MYO1E: variants seen among roughly 807,000 people sequenced by gnomAD.
MYO1E encodes unconventional myosin-Ie.
MYO1E carries 68 observed loss-of-function variants against 151.1 expected under a neutral mutation model. That is an observed-to-expected ratio of 0.45 (90% CI 0.37 to 0.55). The LOEUF (loss-of-function observed/expected upper bound fraction) is 0.55, where lower values mean the gene tolerates loss of function less well. Ranked by LOEUF, MYO1E falls within the 20% of genes least tolerant of loss-of-function variation. The pLI is 0.00. For missense variants in MYO1E, 1,363 were observed against 1,389.3 expected, an observed-to-expected ratio of 0.98 and a Z score of 0.30; for synonymous variants, 601 against 501.7, an observed-to-expected ratio of 1.20 and a Z score of -2.64.
chr15:59,323,168 CAAAAA>C (rs10569332), intron 1 of MYO1E, among the ~76,000 whole-genome samples: 18 of 63,692 alleles, frequency 2.8e-4, no homozygotes, highest in African/African-American at 9.5e-4. Context: ...GACCCCATCA[CAAAAA>C]AAAAAAAAAA....
At chr15:59,145,138 C>G (rs1191877863) in intron 26 of MYO1E, among the ~76,000 whole-genome samples, 1 of 152,090 alleles carries the variant, frequency 6.6e-6, no homozygotes, top group Non-Finnish European at 1.5e-5. Flanking sequence ...CCACCGCATC[C>G]GGCCAGGAAT....
intron 1 of MYO1E, among the ~76,000 whole-genome samples, chr15:59,327,477 TTTATTA>T (rs1191967996): frequency 1.3e-5 from 2 of 151,826 alleles, no homozygotes; most frequent in Admixed American, 6.6e-5. Context: ...TCTGGCTATT[TTTATTA>T]TTATTATTAT....
intron 1 of MYO1E, among the ~76,000 whole-genome samples, chr15:59,275,111 T>C (rs1247041212): frequency 1.3e-5 from 2 of 152,204 alleles, no homozygotes; most frequent in Non-Finnish European, 1.5e-5. Flanking sequence ...AGCCAAGATG[T>C]GAACCGAAGA....
chr15:59,311,977 G>C (rs1293432469), intron 1 of MYO1E, among the ~76,000 whole-genome samples: 1 of 152,090 alleles, frequency 6.6e-6, no homozygotes. Context: ...GAACTTCCCA[G>C]CCTCCAGGAC....
At chr15:59,154,052 TG>T (rs1293244451) in intron 25 of MYO1E, among the ~76,000 whole-genome samples, 1 of 152,212 alleles carries the variant, frequency 6.6e-6, no homozygotes, top group East Asian at 1.9e-4. Flanking sequence ...CAACAATGCA[TG>T]GTCAACTTCC....
At chr15:59,160,648 G>T (rs1210495987) in intron 24 of MYO1E, among the ~76,000 whole-genome samples, 2 of 151,902 alleles carry the variant, frequency 1.3e-5, no homozygotes, top group Non-Finnish European at 2.9e-5. Context: ...GGAACTCTTG[G>T]GTTCAAGCGA....
chr15:59,328,127 G>A (rs555721597), intron 1 of MYO1E, among the ~76,000 whole-genome samples: 3 of 152,356 alleles, frequency 2.0e-5, no homozygotes, highest in Non-Finnish European at 2.9e-5. Context: ...GGTGGCAGAG[G>A]TGTCAGCAGA....
At position 59,319,773 on chromosome 15, in the gene MYO1E, T is replaced by C. The variant is rs143321566; in HGVS notation, c.4-47324A>G. ...AAAAAATTAGCCGGGCATGGGGGCATATGCCTGTAATCCCAGCTACTCAGG... is the reference window on the plus strand; with the variant it reads ...AAAAAATTAGCCGGGCATGGGGGCACATGCCTGTAATCCCAGCTACTCAGG... On this transcript the variant is annotated intron_variant, in intron 1 of 27. Coordinates refer to ENST00000288235, the MANE Select transcript of MYO1E (RefSeq NM_004998.4). Among the ~76,000 whole-genome samples the C allele has an allele frequency of 9.7e-4, 147 of 151,776 alleles. 1 individual carries two copies. The highest frequency in any genetic ancestry group is 3.2e-3 in the African/African-American group (134 of 41,410).
At chr15:59,201,805 T>C (rs1267149704) in intron 16 of MYO1E, among the ~76,000 whole-genome samples, 1 of 152,200 alleles carries the variant, frequency 6.6e-6, no homozygotes, top group African/African-American at 2.4e-5. Context: ...CACTGTAAGA[T>C]TTCCTTCAGA....
chr15:59,178,918 A>G (rs1231694825), intron 18 of MYO1E, among the ~76,000 whole-genome samples: 1 of 152,170 alleles, frequency 6.6e-6, no homozygotes, highest in African/African-American at 2.4e-5. Context: ...AGGGCATTTA[A>G]CACTTAATGC....
chr15:59,313,803 A>G (rs1464045985), intron 1 of MYO1E, among the ~76,000 whole-genome samples: 1 of 152,226 alleles, frequency 6.6e-6, no homozygotes. Flanking sequence ...GGGAGGGGGA[A>G]GTTCCCTGGA....
intron 17 of MYO1E, 57 bp downstream of exon 17, chr15:59,195,404 C>CA: frequency 6.9e-7 from 1 of 1,440,750 alleles, no homozygotes; most frequent in African/African-American, 1.4e-5. Context: ...GAGGACGGCT[C>CA]ATCTTGAGCA....
intron 1 of MYO1E, among the ~76,000 whole-genome samples, chr15:59,298,408 C>T (rs1252550683): frequency 2.6e-5 from 4 of 152,174 alleles, no homozygotes; most frequent in African/African-American, 9.7e-5. Flanking sequence ...CTGCGTTCTA[C>T]CTCCACAAGG....
chr15:59,345,640 G>A (rs973104623), intron 1 of MYO1E, among the ~76,000 whole-genome samples: 36 of 152,300 alleles, frequency 2.4e-4, no homozygotes, highest in African/African-American at 8.7e-4. Context: ...CAAGATGATT[G>A]AGGAAAGACA....
intron 1 of MYO1E, among the ~76,000 whole-genome samples, chr15:59,340,233 C>T (rs1596429560): frequency 6.6e-6 from 1 of 151,962 alleles, no homozygotes; most frequent in African/African-American, 2.4e-5. Flanking sequence ...TCGCTTGAAC[C>T]CAGGAGATCG....
chr15:59,256,177 G>C, intron 4 of MYO1E, 107 bp downstream of exon 4: 1 of 803,618 alleles, frequency 1.2e-6, no homozygotes, highest in Admixed American at 1.8e-5. Flanking sequence ...CATTAACCAG[G>C]CTGTGACATC....
intron 1 of MYO1E, among the ~76,000 whole-genome samples, chr15:59,371,172 A>C (rs2080942094): frequency 6.6e-6 from 1 of 152,224 alleles, no homozygotes; most frequent in Admixed American, 6.5e-5. Flanking sequence ...TTTGTTTGTA[A>C]TCATTCTTTG....
At chr15:59,358,886 TAG>T (rs2080869779) in intron 1 of MYO1E, among the ~76,000 whole-genome samples, 1 of 152,202 alleles carries the variant, frequency 6.6e-6, no homozygotes, top group Non-Finnish European at 1.5e-5. Context: ...ACTTGTATTC[TAG>T]GGACAACTCT....
At position 59,163,361 on chromosome 15, in the gene MYO1E, GT is replaced by G. The variant is rs3214992; in HGVS notation, c.2481-59del. The G allele has an allele frequency of 7.5e-3, 10,445 of 1,393,734 alleles. 528 individuals are homozygous for G. The African/African-American group carries it at 0.12, about 16-fold the overall frequency. 86.3% of individuals were successfully genotyped at this position (1,393,734 alleles called of 1,614,324 possible). ...AAGCTGTGCTTCTGTTTACTCTATT[GT>G]TTTTTTTTTCTTCCATTTTAAAAAT... On this transcript the variant is annotated intron_variant, in intron 22 of 27. Transcript: ENST00000288235.
Sources: allele counts gnomAD v4.1 joint callset (sites outside exome capture counted in the v4.1 genomes callset), GRCh38; gene constraint gnomAD v4.1.1; transcripts MANE v1.5; gene names NCBI Gene and HGNC (gene_info 2026-07-23, HGNC 2026-07-21).